The following CTNNA3 variants were observed in gnomAD, a reference collection of about 807,000 sequenced individuals.
CTNNA3 encodes the protein catenin alpha 3, also known as catenin alpha-3.
A neutral mutation model predicts 95.7 loss-of-function variants in CTNNA3; 76 were observed. The ratio of observed to expected loss-of-function variants is 0.79; its 90% CI spans 0.66 to 0.96. The LOEUF is 0.96. Ranked by LOEUF, CTNNA3 falls within the 40% of genes least tolerant of loss-of-function variation. CTNNA3 has a pLI of 0.00. For synonymous variants in CTNNA3, 431 were observed against 374.4 expected, an observed-to-expected ratio of 1.15 and a Z score of -1.74; for missense variants, 1,191 against 1,089.8, an observed-to-expected ratio of 1.09 and a Z score of -1.31.
rs190344629 is a variant in CTNNA3 at position 66,539,562 on chromosome 10, A to T, written c.1375-18789T>A. On this transcript the variant is annotated intron_variant, in intron 10 of 17. Coordinates refer to ENST00000433211, the MANE Select transcript of CTNNA3 (RefSeq NM_013266.4). The stretch of plus-strand genomic sequence containing the variant: ...CAATTGGCATTCCCTTGTTTATATG[A>T]GAGGCCAGCAAAAATTTTACTTTTG... Among the ~76,000 whole-genome samples the T allele has an allele frequency of 7.2e-5, 11 of 152,184 alleles. No individual in the cohort carries two copies. In the East Asian group the frequency reaches 1.5e-3, roughly 21 times the overall value.
chr10:66,236,643 C>G (rs2089866519), intron 13 of CTNNA3, among the ~76,000 whole-genome samples: 1 of 152,116 alleles, frequency 6.6e-6, no homozygotes. Context: ...TTTTCCCACC[C>G]TCTTCAACTT....
chr10:67,739,109 T>A (rs1383932586), intron 1 of CTNNA3, among the ~76,000 whole-genome samples: 1 of 152,096 alleles, frequency 6.6e-6, no homozygotes, highest in African/African-American at 2.4e-5. Context: ...AAGATACTCC[T>A]GGAGAAGAGC....
rs184606019 is a variant in CTNNA3, at chr10:66,598,007, A to G, written c.1374+23685T>C. 2.4e-4 allele frequency among the ~76,000 whole-genome samples: 37 copies of G among 152,210 alleles called. No homozygotes were observed. In the East Asian group the frequency reaches 7.1e-3, roughly 29 times the overall value. ...AGAGGCCAATATCCCTGATAAATGT[A>G]GATGCAAAAATCCTCAAAAATTACT... On this transcript the variant is annotated intron_variant, in intron 10 of 17. Coordinates refer to ENST00000433211, the MANE Select transcript of CTNNA3 (RefSeq NM_013266.4).
chr10:66,150,389 G>A (rs919580663), intron 13 of CTNNA3, among the ~76,000 whole-genome samples: 2 of 152,018 alleles, frequency 1.3e-5, no homozygotes, highest in Admixed American at 6.6e-5. Flanking sequence ...TGCCCGTCTC[G>A]GGTATGTCTT....
At chr10:66,367,892 T>A (rs1303038232) in intron 12 of CTNNA3, among the ~76,000 whole-genome samples, 324 of 21,202 alleles carry the variant, frequency 0.015, 4 homozygotes, top group African/African-American at 0.031. Context: ...TTATTATTAT[T>A]ATTATTATTA....
intron 7 of CTNNA3, among the ~76,000 whole-genome samples, chr10:66,943,987 C>CAG (rs1848154607): frequency 6.6e-6 from 1 of 152,098 alleles, no homozygotes; most frequent in South Asian, 2.1e-4. Context: ...TTGATGGCTG[C>CAG]AGACAGATCA....
At chr10:67,708,643 T>C (rs1001495928) in intron 1 of CTNNA3, among the ~76,000 whole-genome samples, 1 of 152,148 alleles carries the variant, frequency 6.6e-6, no homozygotes, top group African/African-American at 2.4e-5. Context: ...ATCTCAAAAG[T>C]CCTGTCTCTG....
chr10:67,588,721 A>G (rs181884563), intron 3 of CTNNA3, among the ~76,000 whole-genome samples: 8 of 152,102 alleles, frequency 5.3e-5, no homozygotes, highest in Admixed American at 3.3e-4. Context: ...ATTTTAAGTT[A>G]ATTATCCACT....
At chr10:67,369,177 G>A (rs1843324315) in intron 5 of CTNNA3, among the ~76,000 whole-genome samples, 1 of 152,102 alleles carries the variant, frequency 6.6e-6, no homozygotes, top group Non-Finnish European at 1.5e-5. Context: ...AAATACTGAT[G>A]CTGTAAGATG....
chr10:66,715,431 C>T (rs1285417381), intron 9 of CTNNA3, among the ~76,000 whole-genome samples: 1 of 152,016 alleles, frequency 6.6e-6, no homozygotes, highest in African/African-American at 2.4e-5. Flanking sequence ...TAAGCCCACT[C>T]CTAGATATGC....
At chr10:67,450,479 A>G (rs542073911) in intron 5 of CTNNA3, among the ~76,000 whole-genome samples, 1 of 152,318 alleles carries the variant, frequency 6.6e-6, no homozygotes, top group South Asian at 2.1e-4. Context: ...TGTCTTTTGA[A>G]GGGACATAGA....
intron 1 of CTNNA3, among the ~76,000 whole-genome samples, chr10:67,725,720 G>A (rs1489505154): frequency 6.6e-6 from 1 of 151,700 alleles, no homozygotes; most frequent in Non-Finnish European, 1.5e-5. Flanking sequence ...AAGAGCTTAT[G>A]CCAAAACCTA....
intron 11 of CTNNA3, among the ~76,000 whole-genome samples, chr10:66,445,843 T>C (rs1257258592): frequency 6.6e-6 from 1 of 151,708 alleles, no homozygotes; most frequent in Non-Finnish European, 1.5e-5. Context: ...CTGAAGGAAA[T>C]AGACACATAA....
chr10:67,284,915 C>T (rs574915483), intron 5 of CTNNA3, among the ~76,000 whole-genome samples: 6 of 152,262 alleles, frequency 3.9e-5, no homozygotes, highest in Non-Finnish European at 7.4e-5. Flanking sequence ...CCTGGAGAGA[C>T]ATAAGACTTC....
In CTNNA3 at chr10:66,018,984, T is replaced by C. The variant is rs368310617; in HGVS notation, c.2160-30187A>G. On this transcript the variant is annotated intron_variant, in intron 15 of 17. Coordinates refer to ENST00000433211, the MANE Select transcript of CTNNA3 (RefSeq NM_013266.4). ...TATCTGAAACCAGTTAGAGAGACAG[T>C]TACACAGATGATCAACCATATGGCA... is the stretch of plus-strand genomic sequence containing the variant. Among the ~76,000 whole-genome samples the C allele has an allele frequency of 2.4e-4, 36 of 152,228 alleles. No individual in the cohort carries two copies. In the East Asian group the frequency reaches 6.6e-3, roughly 28 times the overall value.
At chr10:66,286,660 G>T (rs1246210235) in intron 12 of CTNNA3, among the ~76,000 whole-genome samples, 6 of 151,990 alleles carry the variant, frequency 3.9e-5, no homozygotes. Context: ...AGGTACAGAG[G>T]TTTATAGGGT....
At chr10:67,137,247 AGTTTATATATT>A (rs1382851016) in intron 7 of CTNNA3, among the ~76,000 whole-genome samples, 3 of 152,300 alleles carry the variant, frequency 2.0e-5, no homozygotes, top group Admixed American at 2.0e-4. Flanking sequence ...TTGTAATAAA[AGTTTATATATT>A]GTTTATATAT....
At chr10:67,226,208 C>CA (rs1864905987) in intron 5 of CTNNA3, among the ~76,000 whole-genome samples, 1 of 152,100 alleles carries the variant, frequency 6.6e-6, no homozygotes, top group African/African-American at 2.4e-5. Context: ...ACAAAGCCTC[C>CA]AAGAAGTCTA....
At chr10:67,554,125 TA>T (rs1454244145) in intron 3 of CTNNA3, among the ~76,000 whole-genome samples, 3 of 152,232 alleles carry the variant, frequency 2.0e-5, no homozygotes, top group African/African-American at 7.2e-5. Context: ...TTCCATGGGG[TA>T]TATGTGTCAC....
Sources: allele counts gnomAD v4.1 joint callset (sites outside exome capture counted in the v4.1 genomes callset), GRCh38; gene constraint gnomAD v4.1.1; transcripts MANE v1.5; gene names NCBI Gene and HGNC (gene_info 2026-07-23, HGNC 2026-07-21).